Variants in FRMPD4 observed in about 807,000 individuals in gnomAD.
FRMPD4 encodes the protein FERM and PDZ domain containing 4.
A neutral mutation model predicts 94.1 loss-of-function variants in FRMPD4; 22 were observed. The ratio of observed to expected loss-of-function variants is 0.23; its 90% CI spans 0.17 to 0.33. FRMPD4 has a LOEUF of 0.33. Ranked by LOEUF, FRMPD4 falls within the 10% of genes least tolerant of loss-of-function variation. The pLI is 1.00. For missense variants in FRMPD4, 1,111 were observed against 1,339.9 expected, an observed-to-expected ratio of 0.83 and a Z score of 2.67; for synonymous variants, 631 against 548.6, an observed-to-expected ratio of 1.15 and a Z score of -2.10.
At chrX:12,427,198 C>T (rs986119111) in intron 1 of FRMPD4, among the ~76,000 whole-genome samples, 1 of 111,933 alleles carries the variant, frequency 8.9e-6, no homozygotes, top group South Asian at 3.7e-4. Context: ...AATCCCTCCT[C>T]CAGTACTTTA....
chrX:12,333,461 T>C (rs2055464307), intron 1 of FRMPD4, among the ~76,000 whole-genome samples: 1 of 111,876 alleles, frequency 8.9e-6, no homozygotes, highest in Non-Finnish European at 1.9e-5. Flanking sequence ...GCTTTAGACA[T>C]AAGGATGCTG....
intron 1 of FRMPD4, among the ~76,000 whole-genome samples, chrX:12,168,501 T>C (rs1326177882): frequency 2.7e-5 from 3 of 111,268 alleles, no homozygotes; most frequent in African/African-American, 9.8e-5. Flanking sequence ...TTTAGGAAGA[T>C]TTTTAGATGC....
intron 3 of FRMPD4, among the ~76,000 whole-genome samples, chrX:11,951,675 G>A (rs1333255578): frequency 1.8e-5 from 2 of 111,915 alleles, no homozygotes. Flanking sequence ...GAAATAATCT[G>A]TACAACAAAC....
chrX:12,233,826 A>G (rs2057039641), intron 1 of FRMPD4, among the ~76,000 whole-genome samples: 1 of 111,183 alleles, frequency 9.0e-6, no homozygotes, highest in South Asian at 3.8e-4. Flanking sequence ...TGGTGAAGGC[A>G]GGACTTGGCT....
intron 1 of FRMPD4, among the ~76,000 whole-genome samples, chrX:12,368,347 C>A (rs1433120961): frequency 2.7e-5 from 3 of 112,122 alleles, no homozygotes; most frequent in Non-Finnish European, 5.6e-5. Context: ...AAGAAAGAGA[C>A]TGAATATAAT....
intron 1 of FRMPD4, among the ~76,000 whole-genome samples, chrX:12,233,131 G>C (rs981259416): frequency 8.9e-6 from 1 of 111,909 alleles, no homozygotes; most frequent in African/African-American, 3.2e-5. Flanking sequence ...TTAATGCTGG[G>C]TGAAGATCGT....
intron 1 of FRMPD4, among the ~76,000 whole-genome samples, chrX:12,426,802 G>A (rs2056950159): frequency 9.0e-6 from 1 of 111,200 alleles, no homozygotes; most frequent in African/African-American, 3.3e-5. Flanking sequence ...TACTCTTCTA[G>A]CATGCACTCA....
chrX:12,644,334 C>A (rs1220528968), intron 4 of FRMPD4, among the ~76,000 whole-genome samples: 3 of 89,504 alleles, frequency 3.4e-5, no homozygotes, highest in African/African-American at 6.7e-5. Flanking sequence ...TGATTAAAAT[C>A]TTTCACAGTT....
At chrX:12,316,402 CTCGG>C (rs2055116753) in intron 1 of FRMPD4, among the ~76,000 whole-genome samples, 1 of 111,170 alleles carries the variant, frequency 9.0e-6, no homozygotes, top group South Asian at 3.8e-4. Context: ...ATCCACCCGC[CTCGG>C]CCTCCCAAAG....
chrX:12,582,656 C>T (rs2058879919), intron 2 of FRMPD4, among the ~76,000 whole-genome samples: 1 of 111,663 alleles, frequency 9.0e-6, no homozygotes, highest in African/African-American at 3.3e-5. Flanking sequence ...ATAGGTGTCT[C>T]CATCTCTAAG....
intron 1 of FRMPD4, among the ~76,000 whole-genome samples, chrX:12,481,650 G>T (rs1452108151): frequency 9.1e-6 from 1 of 110,044 alleles, no homozygotes; most frequent in Non-Finnish European, 1.9e-5. Flanking sequence ...AGAAAAGAAA[G>T]TGTTATTGGG....
chrX:12,532,097 G>A (rs760161112), intron 2 of FRMPD4, among the ~76,000 whole-genome samples: 16 of 111,535 alleles, frequency 1.4e-4, no homozygotes, highest in Non-Finnish European at 2.6e-4. Flanking sequence ...AAAAACAAAC[G>A]ACAAAAGCAG....
At chrX:12,719,426 G>A (rs1478194090) in intron 16 of FRMPD4, among the ~76,000 whole-genome samples, 3 of 112,229 alleles carry the variant, frequency 2.7e-5, no homozygotes, top group African/African-American at 9.7e-5. Flanking sequence ...TCCACCTTCT[G>A]TATCCCACCT....
chrX:11,848,228 G>A (rs937099078), intron 1 of FRMPD4, among the ~76,000 whole-genome samples: 1 of 110,311 alleles, frequency 9.1e-6, no homozygotes, highest in African/African-American at 3.3e-5. Flanking sequence ...GTTTTGTTTA[G>A]TAACTTGCCT....
chrX:12,502,788 T>C (rs1165976738), intron 2 of FRMPD4, among the ~76,000 whole-genome samples: 2 of 111,935 alleles, frequency 1.8e-5, no homozygotes, highest in Non-Finnish European at 3.8e-5. Context: ...GATAGAGCTA[T>C]AGATATGGAT....
intron 3 of FRMPD4, among the ~76,000 whole-genome samples, chrX:11,896,225 C>G (rs142015468): frequency 1.9e-3 from 209 of 112,294 alleles, no homozygotes; most frequent in African/African-American, 6.3e-3. Context: ...TCAAACTCAA[C>G]CACATGACTC....
intron 2 of FRMPD4, among the ~76,000 whole-genome samples, chrX:12,512,419 G>A (rs767236667): frequency 5.4e-5 from 6 of 112,018 alleles, no homozygotes; most frequent in South Asian, 3.8e-4. Context: ...GTTCCTCTCC[G>A]TGTCCATGTG....
At chrX:12,341,643 T>C (rs1473822188) in intron 1 of FRMPD4, 4 of 327,800 alleles carry the variant, frequency 1.2e-5, no homozygotes, top group Non-Finnish European at 1.8e-5. Flanking sequence ...AGCTGGTAAG[T>C]GACAGATCCA....
chrX:11,953,398 G>A (rs2054236413), intron 3 of FRMPD4, among the ~76,000 whole-genome samples: 1 of 111,674 alleles, frequency 9.0e-6, no homozygotes, highest in Non-Finnish European at 1.9e-5. Context: ...TCCCTTTTCA[G>A]GAGTGGCATT....
Sources: allele counts gnomAD v4.1 joint callset (sites outside exome capture counted in the v4.1 genomes callset), GRCh38; gene constraint gnomAD v4.1.1; transcripts MANE v1.5; gene names NCBI Gene and HGNC (gene_info 2026-07-23, HGNC 2026-07-21).